Variants in PLCB1 observed in about 807,000 individuals in gnomAD.
The protein encoded by PLCB1 is 1-phosphatidylinositol 4,5-bisphosphate phosphodiesterase beta-1.
PLCB1 carries 46 observed loss-of-function variants against 161.8 expected under a neutral mutation model. The ratio of observed to expected loss-of-function variants is 0.28; its 90% CI spans 0.22 to 0.36. The LOEUF is 0.36. Ranked by LOEUF, PLCB1 falls within the 10% of genes least tolerant of loss-of-function variation. The pLI is 1.00. For missense variants in PLCB1, 1,016 were observed against 1,472.5 expected, an observed-to-expected ratio of 0.69 and a Z score of 5.07; for synonymous variants, 517 against 503.7, an observed-to-expected ratio of 1.03 and a Z score of -0.35.
At chr20:8,831,914 CTTTCTTT>C (rs1986009442) in intron 31 of PLCB1, among the ~76,000 whole-genome samples, 1 of 10,376 alleles carries the variant, frequency 9.6e-5, no homozygotes, top group African/African-American at 3.5e-4. Flanking sequence ...CTTTCTTTCT[CTTTCTTT>C]CTTTCTTTCT....
intron 2 of PLCB1, among the ~76,000 whole-genome samples, chr20:8,359,122 T>G (rs1245149596): frequency 6.6e-6 from 1 of 152,162 alleles, no homozygotes; most frequent in Non-Finnish European, 1.5e-5. Context: ...TCTGTCCCCA[T>G]CCCACTTTTG....
At chr20:8,854,266 A>ATTT (rs11438137) in intron 31 of PLCB1, among the ~76,000 whole-genome samples, 2 of 151,024 alleles carry the variant, frequency 1.3e-5, no homozygotes, top group African/African-American at 4.9e-5. Flanking sequence ...CTCAGAGGGC[A>ATTT]TTTTTTTTTA....
chr20:8,727,405 T>TTGAC lies in PLCB1; in HGVS notation c.1763+13_1763+16dup. 1 of 1,401,454 alleles carries TTGAC rather than the reference T, an allele frequency of 7.1e-7. No individual in the cohort carries two copies. Among genetic ancestry groups the TTGAC allele is most frequent in the Non-Finnish European group, 1.0e-6 (1 of 990,438 alleles). The allele number at this position is 1,401,454 out of a possible 1,614,324, so 86.8% of individuals were successfully genotyped here. On this transcript the variant is annotated intron_variant, in intron 17 of 31. Coordinates refer to ENST00000338037, the MANE Select transcript of PLCB1 (RefSeq NM_015192.4). ...GTGGAATTTGTAGAGTATCCTTGATTTGACGAATGACTGCAGAATGAACAC... is the reference window on the plus strand; with the variant it reads ...GTGGAATTTGTAGAGTATCCTTGATTTGACTGACGAATGACTGCAGAATGAACAC...
intron 31 of PLCB1, among the ~76,000 whole-genome samples, chr20:8,833,226 A>G (rs967997248): frequency 5.9e-5 from 9 of 152,226 alleles, no homozygotes; most frequent in African/African-American, 1.9e-4. Flanking sequence ...ATAGTTCCAC[A>G]TGGCTGGGGA....
intron 3 of PLCB1, among the ~76,000 whole-genome samples, chr20:8,586,497 G>GA (rs113834547): frequency 0.093 from 14,163 of 152,076 alleles, 808 homozygotes; most frequent in African/African-American, 0.17. Flanking sequence ...GGTAAGTAGG[G>GA]AAAAACGTAT....
intron 2 of PLCB1, among the ~76,000 whole-genome samples, chr20:8,329,420 T>C (rs777606475): frequency 4.6e-5 from 7 of 151,978 alleles, no homozygotes; most frequent in Non-Finnish European, 1.0e-4. Context: ...CCCAAAGTGT[T>C]GGGATGACAG....
At chr20:8,231,283 G>A (rs1980020543) in intron 2 of PLCB1, among the ~76,000 whole-genome samples, 1 of 152,148 alleles carries the variant, frequency 6.6e-6, no homozygotes, top group Admixed American at 6.5e-5. Flanking sequence ...TCTTTCTTGG[G>A]AAAGTAGACA....
intron 2 of PLCB1, among the ~76,000 whole-genome samples, chr20:8,302,159 C>A (rs1046063308): frequency 1.4e-4 from 21 of 152,300 alleles, no homozygotes; most frequent in African/African-American, 4.6e-4. Context: ...CATTTTCTTG[C>A]TGTAGTTGCT....
chr20:8,560,835 C>A (rs963922009), intron 3 of PLCB1, among the ~76,000 whole-genome samples: 1 of 151,708 alleles, frequency 6.6e-6, no homozygotes, highest in African/African-American at 2.4e-5. Flanking sequence ...GAGATTCTGC[C>A]AAAAAATTTC....
At chr20:8,240,899 C>G (rs778166055) in intron 2 of PLCB1, among the ~76,000 whole-genome samples, 5 of 151,876 alleles carry the variant, frequency 3.3e-5, no homozygotes, top group Non-Finnish European at 7.4e-5. Context: ...CTATTCTTTA[C>G]CAGCAAAGCA....
At chr20:8,681,502 C>A (rs1600247135) in intron 9 of PLCB1, among the ~76,000 whole-genome samples, 1 of 152,108 alleles carries the variant, frequency 6.6e-6, no homozygotes, top group East Asian at 1.9e-4. Context: ...TCTTGCATTT[C>A]ATTCTTGTTC....
At chr20:8,731,809 CAT>C (rs1251835357) in intron 18 of PLCB1, among the ~76,000 whole-genome samples, 1 of 151,824 alleles carries the variant, frequency 6.6e-6, no homozygotes, top group African/African-American at 2.4e-5. Context: ...TTTCAAGTGT[CAT>C]AAATTCATTA....
chr20:8,638,585 A>C (rs1349231721), intron 4 of PLCB1, among the ~76,000 whole-genome samples: 2 of 152,212 alleles, frequency 1.3e-5, no homozygotes, highest in African/African-American at 4.8e-5. Context: ...AAATTTAAGA[A>C]TAGAAATGCT....
intron 2 of PLCB1, among the ~76,000 whole-genome samples, chr20:8,233,620 T>C (rs1980179835): frequency 6.6e-6 from 1 of 152,140 alleles, no homozygotes; most frequent in African/African-American, 2.4e-5. Context: ...TTTTACAAGA[T>C]GAGCACATCC....
intron 2 of PLCB1, among the ~76,000 whole-genome samples, chr20:8,157,499 A>G (rs953099951): frequency 4.6e-5 from 7 of 152,182 alleles, no homozygotes; most frequent in Non-Finnish European, 8.8e-5. Context: ...GAACAAATCT[A>G]TCCTCACCAT....
intron 1 of PLCB1, among the ~76,000 whole-genome samples, chr20:8,141,435 C>A (rs941688549): frequency 6.6e-6 from 1 of 151,882 alleles, no homozygotes; most frequent in Non-Finnish European, 1.5e-5. Context: ...ACCAGCCTGG[C>A]CAATATGATG....
chr20:8,457,905 A>G (rs1332298790), intron 3 of PLCB1, among the ~76,000 whole-genome samples: 2 of 152,236 alleles, frequency 1.3e-5, no homozygotes, highest in African/African-American at 4.8e-5. Context: ...TATGCTTGTG[A>G]AAATAAATGA....
chr20:8,314,279 A>C (rs1277654636), intron 2 of PLCB1, among the ~76,000 whole-genome samples: 1 of 152,192 alleles, frequency 6.6e-6, no homozygotes, highest in Non-Finnish European at 1.5e-5. Context: ...TAGGCCATTC[A>C]TATTTACTAC....
chr20:8,391,824 T>TACACACAC (rs1555803235), intron 3 of PLCB1, among the ~76,000 whole-genome samples: 2 of 115,414 alleles, frequency 1.7e-5, no homozygotes, highest in African/African-American at 6.4e-5. Context: ...TATATATATA[T>TACACACAC]ACACACACAT....
Sources: gnomAD v4.1 joint callset for allele counts (sites outside exome capture counted in the v4.1 genomes callset) on GRCh38, gnomAD v4.1.1 for gene constraint, MANE v1.5 for transcripts, NCBI Gene and HGNC (gene_info 2026-07-23, HGNC 2026-07-21) for gene names.